The following MEGF11 variants were observed in gnomAD, a reference collection of about 807,000 sequenced individuals.
MEGF11 encodes multiple epidermal growth factor-like domains protein 11.
In MEGF11, 126 loss-of-function variants were observed where a neutral mutation model predicts 146.6. That is an observed-to-expected ratio of 0.86 (90% CI 0.74 to 1.00). MEGF11 has a LOEUF of 1.00. Among genes scored for constraint, MEGF11 ranks in the 50% least tolerant of loss-of-function variants. The pLI is 0.00. For missense variants in MEGF11, 1,509 were observed against 1,521.2 expected (o/e 0.99, Z 0.13); for synonymous variants, 532 against 583.4 (o/e 0.91, Z 1.27).
At chr15:65,930,983 C>G (rs751247670) in intron 10 of MEGF11, 40 bp from the exon 11 acceptor site, 1 of 1,518,960 alleles carries the variant, frequency 6.6e-7, no homozygotes, top group Non-Finnish European at 8.9e-7. Flanking sequence ...AAAGGTTGCT[C>G]CATGTTGGAT....
In MEGF11 at chr15:66,003,464, G is replaced by A. The variant is rs2082424948; in HGVS notation, c.395-20976C>T. 3.6e-4 allele frequency among the ~76,000 whole-genome samples: 5 copies of A among 13,796 alleles called. No homozygotes were observed. In the Admixed American group the frequency reaches 0.011, roughly 31 times the overall value. 9.1% of individuals were successfully genotyped at this position (13,796 alleles called of 152,430 possible). A position where few individuals can be genotyped will look rare whatever the true frequency, so the allele number is the denominator to read the frequency against. On this transcript the variant is annotated intron_variant, in intron 5 of 25. Coordinates refer to ENST00000395614, the MANE Select transcript of MEGF11 (RefSeq NM_001385028.1). ...CTATCCTTAGGGGTGGCTGAATGGA[G>A]GGTGGGGAGGAGATGGCCTAGGATA...
chr15:65,907,111 A>C, intron 23 of MEGF11, among the ~76,000 whole-genome samples: 1 of 152,306 alleles, frequency 6.6e-6, no homozygotes, highest in South Asian at 2.1e-4. Flanking sequence ...ACTAAAATAC[A>C]GTTTGACTCT....
chr15:65,924,018 T>C (rs908003840), intron 13 of MEGF11, among the ~76,000 whole-genome samples: 3 of 152,064 alleles, frequency 2.0e-5, no homozygotes, highest in Admixed American at 2.0e-4. Context: ...AGCTGAAAAA[T>C]CATGTCTGCC....
intron 5 of MEGF11, among the ~76,000 whole-genome samples, chr15:65,985,268 C>T (rs2081814428): frequency 6.6e-6 from 1 of 152,228 alleles, no homozygotes. Flanking sequence ...CTGGTTCTAG[C>T]TCTCCCCACT....
At chr15:65,997,254 A>T (rs1318573857) in intron 5 of MEGF11, among the ~76,000 whole-genome samples, 1 of 152,180 alleles carries the variant, frequency 6.6e-6, no homozygotes, top group Non-Finnish European at 1.5e-5. Flanking sequence ...ATGGGACTGG[A>T]TGCTCCTGGG....
intron 2 of MEGF11, among the ~76,000 whole-genome samples, chr15:66,124,288 G>T (rs1567253405): frequency 6.6e-6 from 1 of 152,208 alleles, no homozygotes; most frequent in Non-Finnish European, 1.5e-5. Context: ...AAAGAAGCGG[G>T]GGGTAGTTTT....
intron 10 of MEGF11, among the ~76,000 whole-genome samples, chr15:65,944,904 T>G (rs1429802960): frequency 6.6e-6 from 1 of 150,782 alleles, no homozygotes; most frequent in Non-Finnish European, 1.5e-5. Context: ...TCAGGTTTTT[T>G]TTTTTTTTTT....
At chr15:66,107,907 T>A (rs2087175395) in intron 4 of MEGF11, among the ~76,000 whole-genome samples, 1 of 151,904 alleles carries the variant, frequency 6.6e-6, no homozygotes, top group African/African-American at 2.4e-5. Context: ...AGAGAAACAA[T>A]AAACACATTG....
At chr15:65,984,861 C>T (rs1438159569) in intron 5 of MEGF11, among the ~76,000 whole-genome samples, 13 of 150,304 alleles carry the variant, frequency 8.6e-5, no homozygotes, top group East Asian at 4.0e-4. Context: ...CTCTGTCTCC[C>T]GGGTTCAAGC....
At chr15:65,996,449 C>T (rs1158062957) in intron 5 of MEGF11, among the ~76,000 whole-genome samples, 6 of 151,138 alleles carry the variant, frequency 4.0e-5, no homozygotes, top group African/African-American at 2.4e-5. Flanking sequence ...GGGAAACTTG[C>T]TATTTGAAAT....
At position 65,895,337 on chromosome 15, in the gene MEGF11, A is replaced by G. The variant is rs1479652953; in HGVS notation, c.*2597T>C. ...TTTGTTTTATTTTGTACAAGGTACA[A>G]TCCCTCTGCACAGTGAACATATATT... is the stretch of plus-strand genomic sequence containing the variant. On this transcript the variant is annotated 3_prime_UTR_variant, in exon 26 of 26. Coordinates refer to ENST00000395614, the MANE Select transcript of MEGF11 (RefSeq NM_001385028.1). 3.9e-5 allele frequency: 6 copies of G among 152,630 alleles called. No homozygotes were observed. In the East Asian group the frequency reaches 7.7e-4, roughly 20 times the overall value. The allele number at this position is 152,630 out of a possible 1,614,324, so 9.5% of individuals were successfully genotyped here.
chr15:66,100,568 A>G (rs2086750915), intron 4 of MEGF11, among the ~76,000 whole-genome samples: 1 of 152,164 alleles, frequency 6.6e-6, no homozygotes, highest in Non-Finnish European at 1.5e-5. Flanking sequence ...TGAAACATGG[A>G]CAATGGTCCC....
intron 1 of MEGF11, among the ~76,000 whole-genome samples, chr15:66,177,739 C>T (rs1286356750): frequency 6.6e-6 from 1 of 151,038 alleles, no homozygotes; most frequent in Non-Finnish European, 1.5e-5. Flanking sequence ...GACTGAAGTG[C>T]AGTGGCGGAA....
intron 1 of MEGF11, among the ~76,000 whole-genome samples, chr15:66,251,336 C>G (rs894024223): frequency 2.0e-5 from 3 of 152,240 alleles, no homozygotes; most frequent in Admixed American, 6.5e-5. Context: ...TATCCCTAAT[C>G]CAGCCCCTCC....
intron 15 of MEGF11, among the ~76,000 whole-genome samples, chr15:65,919,670 G>C (rs1237288250): frequency 2.0e-5 from 3 of 152,174 alleles, no homozygotes; most frequent in African/African-American, 7.2e-5. Context: ...TCGCTACGTT[G>C]CCCAGGCCGG....
rs2080194495 is a variant in MEGF11, at chr15:65,946,389, G to C, written c.1287+11158C>G. ...ACTCTGCCAAGCAGCCTCCAGTGAAGACATTTGGGGAGGATGGGATCCAGC... is the reference window on the plus strand; with the variant it reads ...ACTCTGCCAAGCAGCCTCCAGTGAACACATTTGGGGAGGATGGGATCCAGC... On this transcript the variant is annotated intron_variant, in intron 10 of 25. Coordinates refer to ENST00000395614, the MANE Select transcript of MEGF11 (RefSeq NM_001385028.1). 3.3e-5 allele frequency among the ~76,000 whole-genome samples: 5 copies of C among 152,308 alleles called. No individual in the cohort carries two copies. In the South Asian group the frequency reaches 1.0e-3, roughly 32 times the overall value.
chr15:66,141,285 T>TGAGAGAGA (rs1194937112), intron 1 of MEGF11, among the ~76,000 whole-genome samples: 284 of 86,718 alleles, frequency 3.3e-3, no homozygotes, highest in Non-Finnish European at 4.8e-3. Context: ...TGTGTGTGTG[T>TGAGAGAGA]GTGTGAGAGA....
chr15:66,109,056 G>A (rs1022693838), intron 4 of MEGF11, among the ~76,000 whole-genome samples: 1 of 152,166 alleles, frequency 6.6e-6, no homozygotes, highest in African/African-American at 2.4e-5. Context: ...GTATCAGCAC[G>A]AGGGGCCCTG....
intron 4 of MEGF11, among the ~76,000 whole-genome samples, chr15:66,105,768 C>A (rs2087042497): frequency 6.6e-6 from 1 of 152,206 alleles, no homozygotes; most frequent in Admixed American, 6.5e-5. Context: ...CAAACAGAGT[C>A]CTCTAAATCA....
Sources: allele counts gnomAD v4.1 joint callset (sites outside exome capture counted in the v4.1 genomes callset), GRCh38; gene constraint gnomAD v4.1.1; transcripts MANE v1.5; gene names NCBI Gene and HGNC (gene_info 2026-07-23, HGNC 2026-07-21).